Variants in KCTD1 observed in about 807,000 individuals in gnomAD.
KCTD1 encodes the protein potassium channel tetramerization domain containing 1.
In KCTD1, 24 loss-of-function variants were observed where a neutral mutation model predicts 66.0. That is an observed-to-expected ratio of 0.36 (90% CI 0.26 to 0.51). The LOEUF is 0.51. Ranked by LOEUF, KCTD1 falls within the 20% of genes least tolerant of loss-of-function variation. KCTD1 has a pLI of 0.95. For synonymous variants in KCTD1, 511 were observed against 517.2 expected (o/e 0.99, Z 0.16); for missense variants, 943 against 1,205.2 (o/e 0.78, Z 3.22).
chr18:26,610,147 T>A (rs1380127461), intron 1 of KCTD1, among the ~76,000 whole-genome samples: 1 of 152,244 alleles, frequency 6.6e-6, no homozygotes, highest in African/African-American at 2.4e-5. Flanking sequence ...AAGTCCACTT[T>A]GAGTTACTTT....
chr18:26,510,662 C>G (rs1366978516), intron 1 of KCTD1, among the ~76,000 whole-genome samples: 3 of 152,132 alleles, frequency 2.0e-5, no homozygotes, highest in African/African-American at 4.8e-5. Flanking sequence ...GCCAACATTT[C>G]TTTGCTTTTA....
intron 3 of KCTD1, among the ~76,000 whole-genome samples, chr18:26,463,424 A>T (rs1980548869): frequency 6.6e-6 from 1 of 152,150 alleles, no homozygotes; most frequent in Non-Finnish European, 1.5e-5. Context: ...TCAAAAAAAA[A>T]GAGAAAAAAA....
chr18:26,623,451 A>G (rs115908751), intron 1 of KCTD1, among the ~76,000 whole-genome samples: 10,098 of 152,194 alleles, frequency 0.066, 832 homozygotes, highest in African/African-American at 0.2. Context: ...AGTTACCCCC[A>G]TGCTGCTGTT....
rs569722132 is a variant in KCTD1, at chr18:26,468,807, G to A, written c.2133+7708C>T. ...GGTTGCAGTGAGCCGAGATCGTGCC[G>A]CTGCACTCCAGCCTGGGCGACAGAG... On this transcript the variant is annotated intron_variant, in intron 3 of 4. Transcript: ENST00000580059. The surrounding 1 kb of genome is among the most constrained non-coding windows in gnomAD (Gnocchi z 4.8). Among the ~76,000 whole-genome samples the A allele has an allele frequency of 4.6e-5, 7 of 152,164 alleles. No individual in the cohort carries two copies. Among genetic ancestry groups the A allele is most frequent in the Admixed American group, 2.0e-4 (3 of 15,286 alleles).
intron 2 of KCTD1, among the ~76,000 whole-genome samples, chr18:26,492,489 C>T (rs1421846378): frequency 2.6e-5 from 4 of 151,790 alleles, no homozygotes; most frequent in South Asian, 2.1e-4. Context: ...AAAAATTAAC[C>T]GAATGTGGTG....
intron 1 of KCTD1, among the ~76,000 whole-genome samples, chr18:26,573,198 C>G (rs1056453489): frequency 4.0e-5 from 6 of 151,814 alleles, no homozygotes; most frequent in African/African-American, 1.5e-4. Flanking sequence ...TAGTGAGGTA[C>G]CTGGAGAAGT....
chr18:26,621,101 G>C (rs1365359288), intron 1 of KCTD1, among the ~76,000 whole-genome samples: 3 of 152,338 alleles, frequency 2.0e-5, no homozygotes, highest in Middle Eastern at 3.4e-3. Flanking sequence ...CCAAAGTGCC[G>C]GGATTACAGG....
intron 1 of KCTD1, among the ~76,000 whole-genome samples, chr18:26,555,524 T>C (rs543956733): frequency 6.6e-6 from 1 of 152,258 alleles, no homozygotes; most frequent in African/African-American, 2.4e-5. Flanking sequence ...TATGCTTTGA[T>C]GCACAAATTG....
upstream of KCTD1, among the ~76,000 whole-genome samples, chr18:26,552,197 T>TC (rs1158654562): frequency 7.2e-5 from 11 of 152,096 alleles, no homozygotes; most frequent in Non-Finnish European, 1.2e-4. Flanking sequence ...TCCAAATGTT[T>TC]CCCCCTCGAT....
chr18:26,603,426 C>T (rs1233283403), intron 1 of KCTD1, among the ~76,000 whole-genome samples: 1 of 121,110 alleles, frequency 8.3e-6, no homozygotes, highest in African/African-American at 3.2e-5. Flanking sequence ...GAGTGAGACC[C>T]TGTTAAAAAA....
At position 26,616,299 on chromosome 18, in the gene KCTD1, C is replaced by T. The variant is rs573599980; in HGVS notation, c.-16+12848G>A. ...ATCCCCATCCTCTCCCCTAAATTTA[C>T]CAACCACAGGTGGCCTTCCTCATGG... On this transcript the variant is annotated intron_variant, in intron 1 of 4. Coordinates refer to the KCTD1 transcript ENST00000317932. Among the ~76,000 whole-genome samples, 3 of 152,022 alleles carry T rather than the reference C, an allele frequency of 2.0e-5. No homozygotes were observed. In the South Asian group the frequency reaches 6.2e-4, roughly 32 times the overall value.
intron 1 of KCTD1, among the ~76,000 whole-genome samples, chr18:26,537,603 T>C (rs576986333): frequency 6.6e-6 from 1 of 152,340 alleles, no homozygotes; most frequent in South Asian, 2.1e-4. Context: ...TTACATAGTA[T>C]CGAAGGCAGA....
intron 2 of KCTD1, among the ~76,000 whole-genome samples, chr18:26,499,689 G>C (rs1982655287): frequency 6.6e-6 from 1 of 152,206 alleles, no homozygotes; most frequent in Admixed American, 6.5e-5. Context: ...TGACTTTTAT[G>C]TCAGTGGTGT....
chr18:26,457,860 T>C (rs1241997594), intron 4 of KCTD1: 2 of 152,222 alleles, frequency 1.3e-5, no homozygotes, highest in African/African-American at 4.8e-5. Flanking sequence ...TATGACCACG[T>C]TAATCCAGAT....
intron 2 of KCTD1, among the ~76,000 whole-genome samples, chr18:26,498,818 C>T (rs899560248): frequency 6.6e-6 from 1 of 152,074 alleles, no homozygotes; most frequent in Non-Finnish European, 1.5e-5. Context: ...GAAAGATGGG[C>T]TGAGAAAGCA....
At position 26,651,022 on chromosome 18, in the gene KCTD1, T is replaced by G. The variant is rs529771392; in HGVS notation, c.9+6338A>C. On this transcript the variant is annotated intron_variant, in intron 1 of 4. Coordinates refer to the KCTD1 transcript ENST00000580191. ...TTTGGTCAGCATGACAGAGTACTTG[T>G]GAGCAAACGATTTGCTCAGCAAGAG... is the stretch of plus-strand genomic sequence containing the variant. 1.6e-3 allele frequency among the ~76,000 whole-genome samples: 237 copies of G among 152,382 alleles called. 1 individual carries two copies. Among genetic ancestry groups the G allele is most frequent in the Non-Finnish European group, 3.1e-3 (213 of 68,030 alleles).
At chr18:26,656,489 G>A (rs1988144721) in intron 1 of KCTD1, among the ~76,000 whole-genome samples, 1 of 151,924 alleles carries the variant, frequency 6.6e-6, no homozygotes, top group African/African-American at 2.4e-5. Context: ...GTGGGAGGGG[G>A]CTTTAAAGGC....
At chr18:26,584,776 G>C (rs1003045792) in intron 1 of KCTD1, among the ~76,000 whole-genome samples, 5 of 152,130 alleles carry the variant, frequency 3.3e-5, no homozygotes, top group Admixed American at 3.3e-4. Context: ...GGCAAGAAAG[G>C]GTTCCTAGAG....
At chr18:26,618,133 A>G (rs944313064) in intron 1 of KCTD1, among the ~76,000 whole-genome samples, 3 of 152,036 alleles carry the variant, frequency 2.0e-5, no homozygotes, top group Non-Finnish European at 4.4e-5. Context: ...ACTCAAAGCC[A>G]TGTGACCTTA....
Sources: gnomAD v4.1 joint callset for allele counts (sites outside exome capture counted in the v4.1 genomes callset) on GRCh38, gnomAD v4.1.1 for gene constraint, Gnocchi (gnomAD v3.1) non-coding constraint, MANE v1.5 for transcripts, NCBI Gene and HGNC (gene_info 2026-07-23, HGNC 2026-07-21) for gene names.